Variants in CROCC2 observed in about 807,000 individuals in gnomAD.
The protein encoded by CROCC2 is ciliary rootlet coiled-coil, rootletin family member 2.
In CROCC2, 163 loss-of-function variants were observed where a neutral mutation model predicts 177.6. The observed-to-expected ratio is 0.92, with a 90% CI of 0.81 to 1.05. The LOEUF (loss-of-function observed/expected upper bound fraction) is 1.05. Ranked by LOEUF, CROCC2 falls within the 50% of genes least tolerant of loss-of-function variation. The probability of loss-of-function intolerance (pLI) is 0.00; values close to 1 mark genes in which losing one functional copy is unlikely to be tolerated. For missense variants in CROCC2, 1,929 were observed against 1,797.8 expected (o/e 1.07, Z -1.32); for synonymous variants, 904 against 787.3 (o/e 1.15, Z -2.48).
chr2:240,935,714 C>T (rs556196704), intron 14 of CROCC2, 126 bp downstream of exon 14: 34 of 682,614 alleles, frequency 5.0e-5, no homozygotes, highest in Admixed American at 1.9e-4. Context: ...GTCTTGGTAA[C>T]GGATCAGGCC....
Position 240,918,150 on chromosome 2 carries a change from C to T in CROCC2, c.79-576C>T, listed in dbSNP as rs554854960. On this transcript the variant is annotated intron_variant, in intron 1 of 31. Transcript: ENST00000690015. The surrounding 1 kb of genome is among the most constrained non-coding windows in gnomAD (Gnocchi z 6.3). The stretch of plus-strand genomic sequence containing the variant: ...AGGACCCACCTGGGTCCCGATGGAC[C>T]GAGCCTGTGGAGGGGCAGTGGGCAG... 3.3e-5 allele frequency among the ~76,000 whole-genome samples: 5 copies of T among 152,316 alleles called. No homozygotes were observed. The East Asian group carries it at 5.8e-4, about 18-fold the overall frequency.
intron 15 of CROCC2, among the ~76,000 whole-genome samples, chr2:240,948,257 G>A (rs545022587): frequency 6.6e-5 from 10 of 152,050 alleles, no homozygotes; most frequent in Non-Finnish European, 8.8e-5. Context: ...TTCCCTCTGC[G>A]AGCCCTGGCG....
Position 240,963,704 on chromosome 2 carries a change from A to C in CROCC2, c.3236A>C (p.Lys1079Thr), listed in dbSNP as rs2059658293. 6.5e-7 allele frequency: 1 copy of C among 1,550,202 alleles called. No homozygotes were observed. Among genetic ancestry groups the C allele is most frequent in the South Asian group, 1.2e-5 (1 of 84,062 alleles). ...GCGCTGAGTGACGAGGCCCGCGAGA[A>C]GGACGTACTGTTGCTTTTCAACAGC... ...RRALSDEARE[K>T]DVLLLFNSEL... is the part of the protein sequence containing the mutation. Residue 1079 changes from lysine (K) to threonine (T), a missense_variant, in exon 21 of 32, where the codon AAG (lysine) becomes ACG (threonine). Lys to Thr is a moderately conservative substitution (Grantham distance 78). Transcript: ENST00000690015.
At chr2:240,916,602 G>T (rs933673794) in intron 1 of CROCC2, among the ~76,000 whole-genome samples, 1 of 151,096 alleles carries the variant, frequency 6.6e-6, no homozygotes, top group East Asian at 2.0e-4. Flanking sequence ...GCAGGCACCC[G>T]TCCACAGATG....
chr2:240,959,093 G>A, intron 19 of CROCC2: 1 of 561,792 alleles, frequency 1.8e-6, no homozygotes. Context: ...CAGCTGTCAG[G>A]GGCCGTGGAT....
intron 1 of CROCC2, among the ~76,000 whole-genome samples, chr2:240,909,588 G>T (rs938447307): frequency 1.3e-5 from 2 of 152,202 alleles, no homozygotes; most frequent in African/African-American, 2.4e-5. Context: ...TGGTCTGAGG[G>T]GGAATCCCAG....
At position 240,946,294 on chromosome 2, in the gene CROCC2, C is replaced by G. The variant is rs535264158; in HGVS notation, c.2363+41C>G. On this transcript the variant is annotated intron_variant, in intron 15 of 31. Transcript: ENST00000690015. ...CCAGTCAGGGCATGTCCCACGTGTC[C>G]TTGCCCACAGAGAGTCTGCAGTGTG... 6.3e-5 allele frequency: 94 copies of G among 1,487,402 alleles called. 2 individuals are homozygous for G. Among genetic ancestry groups the G allele is most frequent in the Non-Finnish European group, 3.6e-6 (4 of 1,103,932 alleles). 92.1% of individuals were successfully genotyped at this position (1,487,402 alleles called of 1,614,324 possible). A position where few individuals can be genotyped will look rare whatever the true frequency, so the allele number is the denominator to read the frequency against.
chr2:240,934,319 C>A lies in CROCC2; in HGVS notation c.1647-12C>A, dbSNP rs1267478244. ...CCTGAGCGACCTCCCGCCCTCTGGT[C>A]TGGGGCCTCAGTCAAGGCCGCCTGC... On this transcript the variant is annotated splice_polypyrimidine_tract_variant and intron_variant, in intron 11 of 31. Coordinates refer to ENST00000690015, the MANE Select transcript of CROCC2 (RefSeq NM_001351305.2). The A allele has an allele frequency of 6.5e-7, 1 of 1,548,028 alleles. No individual in the cohort carries two copies.
chr2:240,945,753 A>C (rs1574767350), intron 14 of CROCC2, among the ~76,000 whole-genome samples: 2 of 152,238 alleles, frequency 1.3e-5, no homozygotes, highest in Non-Finnish European at 2.9e-5. Context: ...ATTTCTATGC[A>C]GCATTTCCTG....
At chr2:240,981,001 C>T (rs1306204806) in intron 27 of CROCC2, among the ~76,000 whole-genome samples, 1 of 101,016 alleles carries the variant, frequency 9.9e-6, no homozygotes, top group African/African-American at 5.0e-5. Context: ...CCAGACTCAT[C>T]CCTGCTCAGT....
At chr2:240,935,631 G>C (rs1317601889) in intron 14 of CROCC2, 43 bp downstream of exon 14, 30 of 1,352,948 alleles carry the variant, frequency 2.2e-5, no homozygotes, top group Non-Finnish European at 2.8e-5. Context: ...CTGGGATGCG[G>C]CTGGGTGGCA....
rs749241130 is a variant in CROCC2, at chr2:240,925,822, C to T, written c.587C>T (p.Thr196Met). ...DALGRELAGM[T>M]GSVQRLQGEL... ...CTGGGCCGGGAGCTGGCCGGGATGA[C>T]GGGCAGCGTGCAGCGCCTGCAGGGC... Residue 196 changes from threonine to methionine, a missense_variant, in exon 5 of 32, where the codon ACG (threonine) becomes ATG (methionine). Coordinates refer to ENST00000690015, the MANE Select transcript of CROCC2 (RefSeq NM_001351305.2). The T allele has an allele frequency of 1.8e-5, 13 of 716,532 alleles. No homozygotes were observed. Among genetic ancestry groups the T allele is most frequent in the Admixed American group, 4.0e-5 (2 of 49,986 alleles). The allele number at this position is 716,532 out of a possible 1,614,324, so 44.4% of individuals were successfully genotyped here.
intron 19 of CROCC2, 32 bp from the exon 20 acceptor site, chr2:240,959,269 T>A: frequency 6.5e-7 from 1 of 1,547,244 alleles, no homozygotes; most frequent in Non-Finnish European, 8.7e-7. Flanking sequence ...CCCAGCTCCC[T>A]GGTGCCACCG....
chr2:240,930,676 A>T (rs1040954092), intron 6 of CROCC2, among the ~76,000 whole-genome samples: 1 of 151,970 alleles, frequency 6.6e-6, no homozygotes, highest in African/African-American at 2.4e-5. Flanking sequence ...GCGCAGGAGG[A>T]GTCGGGGGCT....
chr2:240,983,385 C>G, intron 28 of CROCC2: 1 of 1,290,612 alleles, frequency 7.7e-7, no homozygotes, highest in Non-Finnish European at 1.0e-6. Context: ...GAAACTCGGG[C>G]CCTCCCAATC....
At chr2:240,989,930 C>G in intron 30 of CROCC2, 97 bp downstream of exon 30, 3 of 1,209,782 alleles carry the variant, frequency 2.5e-6, no homozygotes, top group Non-Finnish European at 3.4e-6. Flanking sequence ...TCTTGAAGTC[C>G]TCTAGCAACA....
chr2:240,988,867 G>A lies in CROCC2; in HGVS notation c.4680G>A (p.Leu1560=), dbSNP rs1315227871. 3.4e-6 allele frequency: 5 copies of A among 1,478,134 alleles called. No homozygotes were observed. Among genetic ancestry groups the A allele is most frequent in the Non-Finnish European group, 4.5e-6 (5 of 1,105,874 alleles). The allele number at this position is 1,478,134 out of a possible 1,614,324, so 91.6% of individuals were successfully genotyped here. ...VDGALRQNQQ[L]QAQMTEMEQA... is the part of the protein sequence containing the mutation. The stretch of plus-strand genomic sequence containing the variant: ...GAGCCCTGAGGCAAAATCAGCAGCT[G>A]CAGGTCAACTGGGCCAGTGGAGCTC... Residue 1560 remains leucine (L), a synonymous_variant, in exon 29 of 32, where the codon CTG becomes CTA. Transcript: ENST00000690015.
intron 1 of CROCC2, among the ~76,000 whole-genome samples, chr2:240,914,050 A>G (rs1043456673): frequency 2.0e-5 from 3 of 152,258 alleles, no homozygotes; most frequent in Non-Finnish European, 4.4e-5. Context: ...CTGGGCTCAG[A>G]CACAGGAGGA....
intron 15 of CROCC2, among the ~76,000 whole-genome samples, chr2:240,948,586 T>C (rs1428874281): frequency 6.6e-6 from 1 of 152,196 alleles, no homozygotes; most frequent in Non-Finnish European, 1.5e-5. Context: ...GAATTAACTG[T>C]TAGAAATGTG....
Sources: gnomAD v4.1 joint callset for allele counts (sites outside exome capture counted in the v4.1 genomes callset) on GRCh38, gnomAD v4.1.1 for gene constraint, Gnocchi (gnomAD v3.1) non-coding constraint, MANE v1.5 for transcripts, NCBI Gene and HGNC (gene_info 2026-07-23, HGNC 2026-07-21) for gene names.